Variants in ADAMTSL3 observed in about 807,000 individuals in gnomAD.
ADAMTSL3 encodes ADAMTS-like protein 3.
In ADAMTSL3, 128 loss-of-function variants were observed where a neutral mutation model predicts 201.7. That is an observed-to-expected ratio of 0.63 (90% CI 0.55 to 0.73). The LOEUF (loss-of-function observed/expected upper bound fraction) is 0.73. Among genes scored for constraint, ADAMTSL3 ranks in the 30% least tolerant of loss-of-function variants. The pLI is 0.00. For missense variants in ADAMTSL3, 1,990 were observed against 2,119.6 expected, an observed-to-expected ratio of 0.94 and a Z score of 1.20; for synonymous variants, 738 against 748.4, an observed-to-expected ratio of 0.99 and a Z score of 0.23.
intron 2 of ADAMTSL3, among the ~76,000 whole-genome samples, chr15:83,691,632 T>G (rs1203750126): frequency 6.6e-6 from 1 of 152,228 alleles, no homozygotes; most frequent in African/African-American, 2.4e-5. Flanking sequence ...ATTTATTTAT[T>G]TTGAGATGGA....
chr15:83,845,485 C>T (rs1376766383), intron 7 of ADAMTSL3, among the ~76,000 whole-genome samples: 1 of 152,156 alleles, frequency 6.6e-6, no homozygotes, highest in Non-Finnish European at 1.5e-5. Flanking sequence ...GGGTAATAAC[C>T]TCAGTTTGGC....
At chr15:83,757,877 T>G (rs2062746271) in intron 3 of ADAMTSL3, among the ~76,000 whole-genome samples, 1 of 152,234 alleles carries the variant, frequency 6.6e-6, no homozygotes, top group Non-Finnish European at 1.5e-5. Context: ...AGGTACAAAA[T>G]GATGCCAGTC....
chr15:83,946,962 C>A (rs1035056680), intron 19 of ADAMTSL3, among the ~76,000 whole-genome samples: 54 of 152,344 alleles, frequency 3.5e-4, no homozygotes, highest in African/African-American at 1.3e-3. Flanking sequence ...AAAACAGAGG[C>A]AGCCTCAGCC....
chr15:83,940,659 T>C (rs2066542373), intron 17 of ADAMTSL3, among the ~76,000 whole-genome samples: 1 of 152,226 alleles, frequency 6.6e-6, no homozygotes, highest in Admixed American at 6.5e-5. Context: ...TCACAGACCC[T>C]GTATTGTTTT....
intron 3 of ADAMTSL3, among the ~76,000 whole-genome samples, chr15:83,758,724 C>G (rs941543695): frequency 6.6e-6 from 1 of 152,086 alleles, no homozygotes; most frequent in Non-Finnish European, 1.5e-5. Flanking sequence ...AATATCTATT[C>G]ATGTCTTTTG....
intron 23 of ADAMTSL3, among the ~76,000 whole-genome samples, chr15:84,009,359 C>T (rs145683699): frequency 1.7e-3 from 252 of 152,194 alleles, no homozygotes; most frequent in African/African-American, 5.8e-3. Flanking sequence ...TATGGTACTA[C>T]TTCTGAAATA....
intron 2 of ADAMTSL3, among the ~76,000 whole-genome samples, chr15:83,669,231 C>T (rs1027832795): frequency 2.6e-5 from 4 of 152,062 alleles, no homozygotes; most frequent in Non-Finnish European, 4.4e-5. Flanking sequence ...CTGCAACCTC[C>T]GCCTCCTGGG....
intron 15 of ADAMTSL3, among the ~76,000 whole-genome samples, chr15:83,904,696 GGTT>G (rs1198743859): frequency 1.3e-5 from 2 of 152,304 alleles, no homozygotes; most frequent in East Asian, 1.9e-4. Context: ...ATTGGTTCAT[GGTT>G]GTTTTAAAAT....
chr15:83,801,680 ATATATATATATATATG>A (rs1482398565), intron 4 of ADAMTSL3, among the ~76,000 whole-genome samples: 34 of 63,952 alleles, frequency 5.3e-4, no homozygotes, highest in South Asian at 1.5e-3. Context: ...ATATATATAT[ATATATATATATATATG>A]TATGTATGAG....
chr15:83,896,277 C>A (rs559711434), intron 13 of ADAMTSL3, among the ~76,000 whole-genome samples: 1 of 152,108 alleles, frequency 6.6e-6, no homozygotes, highest in Admixed American at 6.6e-5. Context: ...AACCAAGAAC[C>A]CTCAGCCCCT....
chr15:83,975,208 T>C (rs1189729763), intron 20 of ADAMTSL3, among the ~76,000 whole-genome samples: 1 of 151,958 alleles, frequency 6.6e-6, no homozygotes, highest in Non-Finnish European at 1.5e-5. Flanking sequence ...TTCACCATGT[T>C]AGCCAGGATG....
intron 16 of ADAMTSL3, among the ~76,000 whole-genome samples, chr15:83,922,606 C>T (rs902578698): frequency 1.3e-5 from 2 of 152,166 alleles, no homozygotes; most frequent in African/African-American, 4.8e-5. Flanking sequence ...TTATATCTCA[C>T]GTTAGCCAAT....
intron 8 of ADAMTSL3, among the ~76,000 whole-genome samples, chr15:83,869,599 CCA>C (rs2065043643): frequency 6.6e-6 from 1 of 152,144 alleles, no homozygotes; most frequent in East Asian, 1.9e-4. Flanking sequence ...TGCAGCTGCT[CCA>C]GTGACAGAGA....
chr15:83,778,296 C>G (rs922706819), intron 4 of ADAMTSL3, among the ~76,000 whole-genome samples: 1 of 152,006 alleles, frequency 6.6e-6, no homozygotes, highest in African/African-American at 2.4e-5. Context: ...AAAATACTTC[C>G]CAAGAAGATC....
At chr15:83,843,187 T>C (rs2064418302) in intron 7 of ADAMTSL3, among the ~76,000 whole-genome samples, 1 of 152,182 alleles carries the variant, frequency 6.6e-6, no homozygotes, top group African/African-American at 2.4e-5. Context: ...TTTGTGGGGT[T>C]CTCAGACCCC....
intron 4 of ADAMTSL3, among the ~76,000 whole-genome samples, chr15:83,780,433 C>G (rs2063150206): frequency 6.7e-6 from 1 of 149,464 alleles, no homozygotes; most frequent in South Asian, 2.1e-4. Flanking sequence ...ACAAACTTCT[C>G]AATAAAGTAG....
chr15:83,819,589 A>G (rs1178261610), intron 5 of ADAMTSL3, among the ~76,000 whole-genome samples: 1 of 151,414 alleles, frequency 6.6e-6, no homozygotes, highest in South Asian at 2.1e-4. Context: ...CAGAATAATG[A>G]GATAATCTCC....
intron 9 of ADAMTSL3, among the ~76,000 whole-genome samples, chr15:83,881,239 C>T (rs772694471): frequency 3.4e-4 from 51 of 152,168 alleles, no homozygotes; most frequent in Admixed American, 2.2e-3. Context: ...TGAAGGTTGT[C>T]GTGTTTCCAG....
intron 2 of ADAMTSL3, among the ~76,000 whole-genome samples, 176 bp from the exon 3 acceptor site, chr15:83,704,213 T>C (rs1228842189): frequency 2.0e-5 from 3 of 152,140 alleles, no homozygotes; most frequent in Admixed American, 6.5e-5. Flanking sequence ...GGCCTAACAG[T>C]GCCCTGACAC....
Sources: gnomAD v4.1 joint callset for allele counts (sites outside exome capture counted in the v4.1 genomes callset) on GRCh38, gnomAD v4.1.1 for gene constraint, MANE v1.5 for transcripts, NCBI Gene and HGNC (gene_info 2026-07-23, HGNC 2026-07-21) for gene names.